The following KIAA1671 variants were observed in gnomAD, a reference collection of about 807,000 sequenced individuals.
KIAA1671 encodes the protein KIAA1671.
A neutral mutation model predicts 131.2 loss-of-function variants in KIAA1671; 52 were observed. That is an observed-to-expected ratio of 0.40 (90% confidence interval 0.32 to 0.50). The LOEUF is 0.50. KIAA1671 is among the 20% of genes least tolerant of loss of function. KIAA1671 has a pLI of 0.73. For missense variants in KIAA1671, 2,360 were observed against 2,364.2 expected (o/e 1.00, Z 0.04); for synonymous variants, 1,003 against 961.6 (o/e 1.04, Z -0.80).
chr22:24,998,717 C>CAAA (rs34109303), intron 1 of KIAA1671, among the ~76,000 whole-genome samples: 8 of 76,138 alleles, frequency 1.1e-4, no homozygotes, highest in African/African-American at 1.5e-4. Flanking sequence ...GACTCTGTCT[C>CAAA]AAAAAAAAAA....
intron 6 of KIAA1671, chr22:25,056,371 T>C (rs1440120964): frequency 6.7e-6 from 1 of 149,318 alleles, no homozygotes; most frequent in Non-Finnish European, 1.5e-5. Context: ...GTGAGATGAA[T>C]ACAGAAAAGA....
intron 1 of KIAA1671, among the ~76,000 whole-genome samples, chr22:24,987,731 A>G (rs928433880): frequency 1.3e-5 from 2 of 152,220 alleles, no homozygotes; most frequent in African/African-American, 2.4e-5. Context: ...AGCAGGGATT[A>G]CAGGTGTGCA....
chr22:25,033,797 G>T (rs1261891372), intron 4 of KIAA1671, among the ~76,000 whole-genome samples: 2 of 151,798 alleles, frequency 1.3e-5, no homozygotes, highest in Non-Finnish European at 2.9e-5. Flanking sequence ...AGCCAGGATG[G>T]TCTCGATCTC....
intron 6 of KIAA1671, among the ~76,000 whole-genome samples, chr22:25,095,305 C>T (rs1930339934): frequency 6.6e-6 from 1 of 152,168 alleles, no homozygotes; most frequent in African/African-American, 2.4e-5. Flanking sequence ...ACTCACATTC[C>T]AGCATCTGGG....
chr22:25,149,515 C>A lies in KIAA1671; in HGVS notation c.4531-21305C>A, dbSNP rs59357680. 4.5e-3 allele frequency among the ~76,000 whole-genome samples: 692 copies of A among 152,266 alleles called. 5 individuals carry two copies. Among genetic ancestry groups the A allele is most frequent in the African/African-American group, 0.016 (656 of 41,550 alleles). On this transcript the variant is annotated intron_variant, in intron 6 of 12. Coordinates refer to ENST00000358431, the MANE Select transcript of KIAA1671 (RefSeq NM_001145206.2). Reference sequence around the variant, plus strand: ...CCTTCCCTAGAGCTCTCCTTCCTGCCCTGTCCCTGGTGCCCCAAGCATCTT... The same window carrying A: ...CCTTCCCTAGAGCTCTCCTTCCTGCACTGTCCCTGGTGCCCCAAGCATCTT...
intron 6 of KIAA1671, among the ~76,000 whole-genome samples, chr22:25,159,477 A>G (rs527788197): frequency 1.3e-5 from 2 of 152,278 alleles, no homozygotes; most frequent in East Asian, 1.9e-4. Context: ...TTCTTAGCTG[A>G]AAGACAGAAC....
At position 25,179,315 on chromosome 22, in the gene KIAA1671, C is replaced by G. The variant is rs573169300; in HGVS notation, c.5074+1793C>G. 95 of 1,583,752 alleles carry G rather than the reference C, an allele frequency of 6.0e-5. 1 individual carries two copies. The South Asian group carries it at 6.1e-4, about 10-fold the overall frequency. ...CGCCGCCCGTCCCGGGCCCTTAGCC[C>G]GACATCTCCTCTCGCTGCTCCTTGT... On this transcript the variant is annotated intron_variant, in intron 9 of 12. Transcript: ENST00000358431.
chr22:25,131,883 G>A (rs1353105857), intron 6 of KIAA1671, among the ~76,000 whole-genome samples: 1 of 152,202 alleles, frequency 6.6e-6, no homozygotes, highest in Admixed American at 6.5e-5. Context: ...GAAGGGGATG[G>A]CCGGGGCATA....
intron 6 of KIAA1671, among the ~76,000 whole-genome samples, chr22:25,150,742 G>A (rs754828942): frequency 6.6e-6 from 1 of 152,098 alleles, no homozygotes; most frequent in Non-Finnish European, 1.5e-5. Context: ...GCAAATTGGG[G>A]GCTGAACAGC....
chr22:25,088,978 G>T (rs1929879633), intron 6 of KIAA1671, among the ~76,000 whole-genome samples: 1 of 152,074 alleles, frequency 6.6e-6, no homozygotes, highest in Admixed American at 6.5e-5. Flanking sequence ...AAAAACATTC[G>T]AAGAAAAATG....
chr22:25,072,956 C>T (rs868005088), intron 6 of KIAA1671, among the ~76,000 whole-genome samples: 15 of 152,246 alleles, frequency 9.9e-5, no homozygotes, highest in Admixed American at 8.5e-4. Context: ...ATTTCTTCAG[C>T]ATGGGCCCCT....
At chr22:25,099,311 A>C (rs1408442873) in intron 6 of KIAA1671, among the ~76,000 whole-genome samples, 1 of 152,132 alleles carries the variant, frequency 6.6e-6, no homozygotes, top group East Asian at 1.9e-4. Context: ...CTACTTGCCC[A>C]GGATCACATA....
intron 6 of KIAA1671, among the ~76,000 whole-genome samples, chr22:25,122,306 C>T (rs1931984388): frequency 6.6e-6 from 1 of 152,012 alleles, no homozygotes. Flanking sequence ...GCCATGGTAA[C>T]ACCTGGGAGT....
At chr22:24,979,988 C>T (rs1923142857) in intron 1 of KIAA1671, among the ~76,000 whole-genome samples, 1 of 148,500 alleles carries the variant, frequency 6.7e-6, no homozygotes, top group Admixed American at 6.7e-5. Flanking sequence ...TTTCTTGAGA[C>T]TGTGTCTTGC....
chr22:25,093,790 C>G lies in KIAA1671; in HGVS notation c.4530+44426C>G, dbSNP rs866926042. ...TCTGTCTCTCTCTCTCTCTCTCTCTCTCTCTCTCTCTCTCTCTCTCTGTCT... is the reference window on the plus strand; with the variant it reads ...TCTGTCTCTCTCTCTCTCTCTCTCTGTCTCTCTCTCTCTCTCTCTCTGTCT... On this transcript the variant is annotated intron_variant, in intron 6 of 12. Coordinates refer to ENST00000358431, the MANE Select transcript of KIAA1671 (RefSeq NM_001145206.2). Among the ~76,000 whole-genome samples the G allele has an allele frequency of 3.2e-3, 413 of 130,174 alleles. 3 individuals are homozygous for G. The highest frequency in any genetic ancestry group is 6.0e-3 in the South Asian group (23 of 3,862). The allele number at this position is 130,174 out of a possible 152,430, so 85.4% of individuals were successfully genotyped here.
intron 6 of KIAA1671, among the ~76,000 whole-genome samples, chr22:25,164,297 C>G (rs941063615): frequency 6.6e-6 from 1 of 152,228 alleles, no homozygotes; most frequent in African/African-American, 2.4e-5. Context: ...TTCCCACTCA[C>G]CAGGAGAACT....
rs570605851 is a variant in KIAA1671, at chr22:25,171,341, T to C, written c.4649+403T>C. Among the ~76,000 whole-genome samples, 75 of 150,464 alleles carry C rather than the reference T, an allele frequency of 5.0e-4. No individual in the cohort carries two copies. The South Asian group carries it at 0.016, about 31-fold the overall frequency. ...ATCACTTGAACCTGGGAGGCGGAGG[T>C]TGCAGTGAGCCGGGATTGTGCCACT... On this transcript the variant is annotated intron_variant, in intron 7 of 12. Coordinates refer to ENST00000358431, the MANE Select transcript of KIAA1671 (RefSeq NM_001145206.2).
chr22:25,035,339 G>A (rs1467004872), intron 4 of KIAA1671, among the ~76,000 whole-genome samples: 1 of 152,162 alleles, frequency 6.6e-6, no homozygotes, highest in Non-Finnish European at 1.5e-5. Flanking sequence ...GAGCCACCGC[G>A]TCCGGCCAGG....
In KIAA1671 at chr22:25,029,445, G is replaced by A; in HGVS notation, c.1446G>A (p.Arg482=). ...PEKGVVSVQE[R]IRGWTAESSE... ...AAGGGGTTGTGAGCGTTCAGGAACG[G>A]ATCAGAGGCTGGACTGCCGAGAGCT... Residue 482 remains arginine (R), a synonymous_variant, in exon 3 of 13, where the codon CGG becomes CGA. Coordinates refer to ENST00000358431, the MANE Select transcript of KIAA1671 (RefSeq NM_001145206.2). The A allele has an allele frequency of 6.4e-7, 1 of 1,551,364 alleles. No homozygotes were observed. Among genetic ancestry groups the A allele is most frequent in the Non-Finnish European group, 8.7e-7 (1 of 1,146,836 alleles).
Sources: allele counts gnomAD v4.1 joint callset (sites outside exome capture counted in the v4.1 genomes callset), GRCh38; gene constraint gnomAD v4.1.1; transcripts MANE v1.5; gene names NCBI Gene and HGNC (gene_info 2026-07-23, HGNC 2026-07-21).